Variants in TRIM65 observed in about 807,000 individuals in gnomAD.
The protein encoded by TRIM65 is tripartite motif containing 65.
A neutral mutation model predicts 36.1 loss-of-function variants in TRIM65; 46 were observed. The observed-to-expected ratio is 1.27, with a 90% CI of 1.01 to 1.63. TRIM65 has a LOEUF of 1.63. Among genes scored for constraint, TRIM65 ranks in the 40% most tolerant of loss-of-function variants. The pLI, the probability that TRIM65 is intolerant of heterozygous loss-of-function variation, is 0.00. For missense variants in TRIM65, 708 were observed against 696.6 expected (o/e 1.02, Z -0.18); for synonymous variants, 346 against 313.6 (o/e 1.10, Z -1.09).
chr17:75,892,220 G>A, intron 3 of TRIM65, 35 bp from the exon 4 acceptor site: 3 of 1,587,760 alleles, frequency 1.9e-6, no homozygotes, highest in Non-Finnish European at 2.6e-6. Flanking sequence ...GCCTGGGCCT[G>A]AGGGGCAGGG....
chr17:75,887,736 G>T (rs180718815), downstream of TRIM65, among the ~76,000 whole-genome samples: 287 of 152,194 alleles, frequency 1.9e-3, no homozygotes, highest in African/African-American at 6.5e-3. Flanking sequence ...GAAGAAAAGA[G>T]GGGGGCCGGA....
chr17:75,895,761 G>T (rs972898890), intron 1 of TRIM65, among the ~76,000 whole-genome samples: 3 of 152,094 alleles, frequency 2.0e-5, no homozygotes, highest in Non-Finnish European at 4.4e-5. Context: ...CGCCTTACTG[G>T]AACACTGACT....
At chr17:75,882,374 A>C (rs2143995887) in intron 4 of TRIM65, among the ~76,000 whole-genome samples, 1 of 150,186 alleles carries the variant, frequency 6.7e-6, no homozygotes, top group South Asian at 2.1e-4. Context: ...CGCTCGGCTA[A>C]ATTTTGTATT....
chr17:75,896,908 C>A lies in TRIM65; in HGVS notation c.30G>T (p.Leu10=). Residue 10 remains leucine, a synonymous_variant, in exon 1 of 6, where the codon CTG becomes CTT. Coordinates refer to ENST00000269383, the MANE Select transcript of TRIM65 (RefSeq NM_173547.4). MAAQLLEEK[L]TCAICLGLYQ... is the part of the protein sequence containing the mutation. ...AGAGCCCCAGGCAGATGGCGCAGGTCAGCTTCTCCTCCAGCAGCTGCGCGG... is the reference window on the plus strand; with the variant it reads ...AGAGCCCCAGGCAGATGGCGCAGGTAAGCTTCTCCTCCAGCAGCTGCGCGG... 6.6e-7 allele frequency: 1 copy of A among 1,512,282 alleles called. No individual in the cohort carries two copies. The highest frequency in any genetic ancestry group is 2.7e-5 in the East Asian group (1 of 37,036). 93.7% of individuals were successfully genotyped at this position (1,512,282 alleles called of 1,614,324 possible). A position where few individuals can be genotyped will look rare whatever the true frequency, so the allele number is the denominator to read the frequency against.
At chr17:75,894,232 C>A (rs983773323) in intron 1 of TRIM65, among the ~76,000 whole-genome samples, 10 of 152,328 alleles carry the variant, frequency 6.6e-5, no homozygotes, top group African/African-American at 1.9e-4. Context: ...CTCCTGGCCA[C>A]CCCTTCCCTT....
downstream of TRIM65, among the ~76,000 whole-genome samples, chr17:75,888,331 C>T (rs866733268): frequency 2.0e-4 from 29 of 147,326 alleles, no homozygotes; most frequent in African/African-American, 2.3e-4. Context: ...CCAGCCTGGG[C>T]GACAGAGCAA....
At position 75,882,992 on chromosome 17, in the gene TRIM65, A is replaced by C. The variant is rs548246561; in HGVS notation, c.350-2363T>G. ...GACCCTGTCTCTGGAAAAAAAAAAAACAAAAACAAAAAGCAATCCGGTGAT... is the reference window on the plus strand; with the variant it reads ...GACCCTGTCTCTGGAAAAAAAAAAACCAAAAACAAAAAGCAATCCGGTGAT... On this transcript the variant is annotated intron_variant, in intron 4 of 4. Transcript: ENST00000591668. 6.5e-3 allele frequency among the ~76,000 whole-genome samples: 964 copies of C among 149,080 alleles called. 83 individuals carry two copies. Among genetic ancestry groups the C allele is most frequent in the African/African-American group, 0.023 (906 of 39,080 alleles).
chr17:75,884,086 C>T (rs377664670), downstream of TRIM65, among the ~76,000 whole-genome samples: 5 of 151,554 alleles, frequency 3.3e-5, no homozygotes, highest in South Asian at 2.1e-4. Flanking sequence ...TGCAATGAGC[C>T]GAGATTGGGC....
intron 1 of TRIM65, among the ~76,000 whole-genome samples, chr17:75,894,189 G>A (rs1011202828): frequency 3.3e-5 from 5 of 151,778 alleles, no homozygotes; most frequent in East Asian, 3.9e-4. Context: ...ACCCCCAGCC[G>A]TGCACTCTCC....
Position 75,890,583 on chromosome 17 carries a change from C to T in TRIM65, c.*196G>A, listed in dbSNP as rs1044750160. 1.1e-5 allele frequency: 6 copies of T among 537,340 alleles called. No homozygotes were observed. Among genetic ancestry groups the T allele is most frequent in the Non-Finnish European group, 1.9e-5 (6 of 313,256 alleles). The allele number at this position is 537,340 out of a possible 1,614,324, so 33.3% of individuals were successfully genotyped here. On this transcript the variant is annotated 3_prime_UTR_variant, in exon 6 of 6. Transcript: ENST00000269383. The stretch of plus-strand genomic sequence containing the variant: ...GGGCAAGGGCATCCCATTTATCCCC[C>T]TCCTAGACTGTGTCCCCTTCAAAAA...
chr17:75,895,664 T>G (rs996879741), intron 1 of TRIM65, among the ~76,000 whole-genome samples: 2 of 152,166 alleles, frequency 1.3e-5, no homozygotes, highest in African/African-American at 2.4e-5. Context: ...CTCCCCTTCC[T>G]CCTCCTGGCC....
At chr17:75,885,558 T>C (rs970016711), downstream of TRIM65, among the ~76,000 whole-genome samples, 1 of 152,222 alleles carries the variant, frequency 6.6e-6, no homozygotes. Context: ...TTGTTTGTGC[T>C]CATGTTTCTG....
chr17:75,896,125 G>A (rs1225071411), intron 1 of TRIM65, among the ~76,000 whole-genome samples: 2 of 152,150 alleles, frequency 1.3e-5, no homozygotes, highest in Non-Finnish European at 2.9e-5. Context: ...GCACGATCTC[G>A]GCTTACTGCA....
At position 75,891,720 on chromosome 17, in the gene TRIM65, C is replaced by T. The variant is rs553461558; in HGVS notation, c.985+93G>A. ...TGCCCCCCTCACTCACACGTGCATACGAACATGCACACACACACGTGCTCA... is the reference window on the plus strand; with the variant it reads ...TGCCCCCCTCACTCACACGTGCATATGAACATGCACACACACACGTGCTCA... On this transcript the variant is annotated intron_variant, in intron 5 of 5. Transcript: ENST00000269383. The T allele has an allele frequency of 7.0e-4, 979 of 1,406,310 alleles. 14 individuals are homozygous for T. In the South Asian group the frequency reaches 0.01, roughly 14 times the overall value. The allele number at this position is 1,406,310 out of a possible 1,614,324, so 87.1% of individuals were successfully genotyped here.
chr17:75,893,019 C>T (rs868394706), intron 1 of TRIM65, among the ~76,000 whole-genome samples, 169 bp from the exon 2 acceptor site: 4 of 152,220 alleles, frequency 2.6e-5, no homozygotes, highest in African/African-American at 4.8e-5. Flanking sequence ...GAGTTGGGGC[C>T]GTGCCCCGGG....
intron 4 of TRIM65, among the ~76,000 whole-genome samples, chr17:75,882,195 T>C (rs2065173084): frequency 1.3e-5 from 2 of 150,306 alleles, no homozygotes; most frequent in South Asian, 4.2e-4. Flanking sequence ...GTCAGTGTGG[T>C]GGCATCTTGC....
intron 4 of TRIM65, among the ~76,000 whole-genome samples, chr17:75,881,252 A>AG (rs1387144289): frequency 1.9e-4 from 28 of 148,868 alleles, no homozygotes; most frequent in East Asian, 7.8e-4. Context: ...AAAAAAAAAA[A>AG]AAAAAGAAAA....
At position 75,891,892 on chromosome 17, in the gene TRIM65, C is replaced by T; in HGVS notation, c.920-14G>A. ...GACCTGGGGCCTCTAGGGGGCAAAGCAGTGTTAAGGGAATGGTTGGAGAGG... is the reference window on the plus strand; with the variant it reads ...GACCTGGGGCCTCTAGGGGGCAAAGTAGTGTTAAGGGAATGGTTGGAGAGG... On this transcript the variant is annotated splice_polypyrimidine_tract_variant and intron_variant, in intron 4 of 5. Coordinates refer to ENST00000269383, the MANE Select transcript of TRIM65 (RefSeq NM_173547.4). The T allele has an allele frequency of 6.2e-7, 1 of 1,608,092 alleles. No homozygotes were observed. The highest frequency in any genetic ancestry group is 1.1e-5 in the South Asian group (1 of 90,130).
intron 2 of TRIM65, 94 bp downstream of exon 2, chr17:75,892,644 AGCTCCCTGCTCAGCCCC>A (rs1160717157): frequency 8.8e-6 from 11 of 1,253,384 alleles, no homozygotes; most frequent in Non-Finnish European, 1.1e-5. Flanking sequence ...CCCTGTGCCC[AGCTCCCTGCTCAGCCCC>A]GCTCCCTGCT....
Sources: allele counts gnomAD v4.1 joint callset (sites outside exome capture counted in the v4.1 genomes callset), GRCh38; gene constraint gnomAD v4.1.1; transcripts MANE v1.5; gene names NCBI Gene and HGNC (gene_info 2026-07-23, HGNC 2026-07-21).